The following SLC49A4 variants were observed in gnomAD, a reference collection of about 807,000 sequenced individuals.
SLC49A4 encodes the protein solute carrier family 49 member 4, also known as disrupted in renal cancer protein 2.
A neutral mutation model predicts 50.6 loss-of-function variants in SLC49A4; 36 were observed. The observed-to-expected ratio is 0.71, with a 90% CI of 0.55 to 0.94. The LOEUF is 0.94. Ranked by LOEUF, SLC49A4 falls within the 40% of genes least tolerant of loss-of-function variation. The pLI is 0.00. For missense variants in SLC49A4, 503 were observed against 605.7 expected (o/e 0.83, Z 1.78); for synonymous variants, 248 against 241.2 (o/e 1.03, Z -0.26).
intron 6 of SLC49A4, among the ~76,000 whole-genome samples, chr3:122,857,538 T>C (rs1299606804): frequency 1.3e-5 from 2 of 152,190 alleles, no homozygotes; most frequent in African/African-American, 4.8e-5. Flanking sequence ...TGATACAGGA[T>C]AATGTTATAC....
Position 122,795,243 on chromosome 3 carries a change from C to CGGGCTCGGGCCT in SLC49A4, c.57_68dup (p.Pro21_Gly24dup). ...AGGAGAGGCAGCCGCTGCTGGGGCC[C>CGGGCTCGGGCCT]GGGCTCGGGCCTGGGCTGGGGGCCT... On this transcript the variant is annotated inframe_insertion, in exon 1 of 9. Transcript: ENST00000261038. 2 of 1,344,568 alleles carry CGGGCTCGGGCCT rather than the reference C, an allele frequency of 1.5e-6. No individual in the cohort carries two copies. Among genetic ancestry groups the CGGGCTCGGGCCT allele is most frequent in the East Asian group, 3.1e-5 (1 of 32,240 alleles). The allele number at this position is 1,344,568 out of a possible 1,614,324, so 83.3% of individuals were successfully genotyped here.
chr3:122,847,076 C>T (rs1280495354), intron 5 of SLC49A4, among the ~76,000 whole-genome samples: 5 of 152,198 alleles, frequency 3.3e-5, no homozygotes, highest in African/African-American at 1.2e-4. Flanking sequence ...CTCATTCACA[C>T]TTGTTAACCA....
chr3:122,853,745 G>T (rs1342664208), intron 5 of SLC49A4, among the ~76,000 whole-genome samples: 1 of 152,172 alleles, frequency 6.6e-6, no homozygotes, highest in African/African-American at 2.4e-5. Flanking sequence ...GGGTGACAGA[G>T]TAAGGCCCCA....
intron 6 of SLC49A4, among the ~76,000 whole-genome samples, chr3:122,856,686 A>C (rs1936994060): frequency 6.6e-6 from 1 of 152,080 alleles, no homozygotes; most frequent in South Asian, 2.1e-4. Flanking sequence ...AAAACACAAA[A>C]TTACCTGGGT....
chr3:122,871,581 T>C (rs1386794537), intron 7 of SLC49A4, among the ~76,000 whole-genome samples: 4 of 152,154 alleles, frequency 2.6e-5, no homozygotes, highest in Non-Finnish European at 5.9e-5. Flanking sequence ...GAATATGATA[T>C]ACTTATTAGG....
chr3:122,871,267 AT>A (rs1937194433), intron 7 of SLC49A4, among the ~76,000 whole-genome samples: 1 of 152,176 alleles, frequency 6.6e-6, no homozygotes, highest in South Asian at 2.1e-4. Flanking sequence ...GACTAATGTA[AT>A]TGGAGGGGAA....
Position 122,880,054 on chromosome 3 carries a change from A to G in SLC49A4, c.*676A>G, listed in dbSNP as rs1416629701. On this transcript the variant is annotated 3_prime_UTR_variant, in exon 9 of 9. Coordinates refer to ENST00000261038, the MANE Select transcript of SLC49A4 (RefSeq NM_032839.3). Reference sequence around the variant, plus strand: ...TCTGTGAAATACAATTTCATCTACTAGGCCCTTAAATAATTATGTGAGGGT... The same window carrying G: ...TCTGTGAAATACAATTTCATCTACTGGGCCCTTAAATAATTATGTGAGGGT... 1 of 152,480 alleles carries G rather than the reference A, an allele frequency of 6.6e-6. No homozygotes were observed. Among genetic ancestry groups the G allele is most frequent in the Admixed American group, 6.5e-5 (1 of 15,284 alleles). 9.4% of individuals were successfully genotyped at this position (152,480 alleles called of 1,614,324 possible).
At chr3:122,809,934 T>G (rs1313274761) in intron 2 of SLC49A4, among the ~76,000 whole-genome samples, 8 of 152,246 alleles carry the variant, frequency 5.3e-5, no homozygotes, top group African/African-American at 1.9e-4. Context: ...TAACAATGCA[T>G]GATGAAGCTG....
At chr3:122,799,224 T>G (rs1936095989) in intron 1 of SLC49A4, among the ~76,000 whole-genome samples, 1 of 152,184 alleles carries the variant, frequency 6.6e-6, no homozygotes, top group South Asian at 2.1e-4. Context: ...CTAGTGATAT[T>G]GATACTTGCT....
At chr3:122,801,508 T>A (rs904354428) in intron 1 of SLC49A4, among the ~76,000 whole-genome samples, 1 of 151,912 alleles carries the variant, frequency 6.6e-6, no homozygotes, top group Non-Finnish European at 1.5e-5. Flanking sequence ...AGGAGAACAC[T>A]TGAACCCAGA....
chr3:122,818,232 G>A (rs1039293169), intron 2 of SLC49A4, among the ~76,000 whole-genome samples: 1 of 152,094 alleles, frequency 6.6e-6, no homozygotes, highest in Non-Finnish European at 1.5e-5. Context: ...AAAGAATAAT[G>A]AAATGAGAAA....
chr3:122,877,946 T>C (rs1395840663), intron 8 of SLC49A4, among the ~76,000 whole-genome samples: 1 of 152,208 alleles, frequency 6.6e-6, no homozygotes, highest in African/African-American at 2.4e-5. Flanking sequence ...TATGTCTTTG[T>C]TACATACTAT....
At chr3:122,804,072 A>T (rs1202685046) in intron 1 of SLC49A4, among the ~76,000 whole-genome samples, 1 of 152,160 alleles carries the variant, frequency 6.6e-6, no homozygotes, top group African/African-American at 2.4e-5. Flanking sequence ...AAGAGGTTTC[A>T]TTGGCTCATG....
intron 8 of SLC49A4, among the ~76,000 whole-genome samples, chr3:122,875,177 TA>T (rs1445642444): frequency 6.6e-6 from 1 of 152,196 alleles, no homozygotes; most frequent in Non-Finnish European, 1.5e-5. Flanking sequence ...TTCCTAACAA[TA>T]ACTGTTAGTT....
rs1172341110 is a variant in SLC49A4 at position 122,880,067 on chromosome 3, AT to A, written c.*691del. The A allele has an allele frequency of 6.6e-6, 1 of 152,386 alleles. No individual in the cohort carries two copies. The highest frequency in any genetic ancestry group is 1.5e-5 in the Non-Finnish European group (1 of 68,044). 9.4% of individuals were successfully genotyped at this position (152,386 alleles called of 1,614,324 possible). A position where few individuals can be genotyped will look rare whatever the true frequency, so the allele number is the denominator to read the frequency against. ...ATTTCATCTACTAGGCCCTTAAATA[AT>A]TATGTGAGGGTGTCTAAATGTTTAA... is the stretch of plus-strand genomic sequence containing the variant. On this transcript the variant is annotated 3_prime_UTR_variant, in exon 9 of 9. Coordinates refer to ENST00000261038, the MANE Select transcript of SLC49A4 (RefSeq NM_032839.3).
At chr3:122,848,570 T>C (rs1472542108) in intron 5 of SLC49A4, among the ~76,000 whole-genome samples, 1 of 152,212 alleles carries the variant, frequency 6.6e-6, no homozygotes, top group Non-Finnish European at 1.5e-5. Flanking sequence ...TGAATGATGC[T>C]TTATAATTTT....
intron 5 of SLC49A4, among the ~76,000 whole-genome samples, chr3:122,847,437 T>C (rs1043908119): frequency 6.7e-6 from 1 of 150,150 alleles, no homozygotes; most frequent in Non-Finnish European, 1.5e-5. Flanking sequence ...AAGCTCTGAC[T>C]CCCGGGTTCA....
At chr3:122,836,804 C>G (rs1362456260) in intron 4 of SLC49A4, among the ~76,000 whole-genome samples, 1 of 152,146 alleles carries the variant, frequency 6.6e-6, no homozygotes, top group East Asian at 1.9e-4. Context: ...GATCGTATAT[C>G]TAGAAAACCC....
At chr3:122,802,707 A>G (rs1169378445) in intron 1 of SLC49A4, among the ~76,000 whole-genome samples, 1 of 152,258 alleles carries the variant, frequency 6.6e-6, no homozygotes, top group Non-Finnish European at 1.5e-5. Flanking sequence ...TTGAACTTCT[A>G]GAAATGAAAA....
Sources: allele counts gnomAD v4.1 joint callset (sites outside exome capture counted in the v4.1 genomes callset), GRCh38; gene constraint gnomAD v4.1.1; transcripts MANE v1.5; gene names NCBI Gene and HGNC (gene_info 2026-07-23, HGNC 2026-07-21).